Variants in COG5 observed in about 807,000 individuals in gnomAD.
COG5 encodes conserved oligomeric Golgi complex subunit 5.
In COG5, 86 loss-of-function variants were observed where a neutral mutation model predicts 110.4. That is an observed-to-expected ratio of 0.78 (90% CI 0.65 to 0.93). The LOEUF (loss-of-function observed/expected upper bound fraction) is 0.93. Ranked by LOEUF, COG5 falls within the 40% of genes least tolerant of loss-of-function variation. The pLI, the probability that COG5 is intolerant of heterozygous loss-of-function variation, is 0.00. For missense variants in COG5, 1,077 were observed against 987.0 expected (o/e 1.09, Z -1.22); for synonymous variants, 360 against 334.6 (o/e 1.08, Z -0.83).
chr7:107,417,573 A>G (rs76307631), intron 6 of COG5, among the ~76,000 whole-genome samples: 23,999 of 151,768 alleles, frequency 0.16, 2,309 homozygotes, highest in Non-Finnish European at 0.22. Flanking sequence ...AATCAAAGAC[A>G]GAATTATTGG....
chr7:107,258,425 T>TACTC (rs1803051413), intron 14 of COG5, 42 bp from the exon 15 acceptor site: 1 of 661,400 alleles, frequency 1.5e-6, no homozygotes, highest in African/African-American at 1.9e-5. Context: ...AGAATGATAA[T>TACTC]TCTCTCTCTC....
chr7:107,385,858 T>C (rs186802893), intron 7 of COG5, among the ~76,000 whole-genome samples: 7 of 151,488 alleles, frequency 4.6e-5, no homozygotes, highest in African/African-American at 7.3e-5. Context: ...TAATATCCCA[T>C]TGTGGTTTTA....
intron 6 of COG5, chr7:107,470,182 T>C (rs1358511132): frequency 2.0e-5 from 3 of 152,244 alleles, no homozygotes; most frequent in African/African-American, 7.2e-5. Context: ...ATTACTTTCA[T>C]TATGTATTTT....
intron 7 of COG5, among the ~76,000 whole-genome samples, chr7:107,381,223 C>A (rs1815088285): frequency 6.6e-6 from 1 of 152,126 alleles, no homozygotes; most frequent in Non-Finnish European, 1.5e-5. Flanking sequence ...AAAAAGGCTT[C>A]CCAAAATCAA....
In COG5 at chr7:107,376,767, C is replaced by T. The variant is rs185400719; in HGVS notation, c.670-4007G>A. Among the ~76,000 whole-genome samples the T allele has an allele frequency of 2.1e-3, 323 of 151,980 alleles. 2 individuals are homozygous for T. The highest frequency in any genetic ancestry group is 6.9e-3 in the African/African-American group (285 of 41,502). ...TGGAAAGCCTTAAATATTTCACCAT[C>T]GAGATTTTTAGAAATGCCCTTTATC... On this transcript the variant is annotated intron_variant, in intron 7 of 21. Coordinates refer to ENST00000297135, the MANE Select transcript of COG5 (RefSeq NM_006348.5).
chr7:107,467,581 AC>A (rs1389132218), intron 6 of COG5, among the ~76,000 whole-genome samples: 2 of 152,090 alleles, frequency 1.3e-5, no homozygotes, highest in African/African-American at 4.8e-5. Flanking sequence ...CGAACTCCTG[AC>A]CTCAAGTGAT....
intron 14 of COG5, among the ~76,000 whole-genome samples, chr7:107,280,560 G>C (rs1446016103): frequency 1.3e-5 from 2 of 151,876 alleles, no homozygotes; most frequent in Non-Finnish European, 2.9e-5. Context: ...AAAGATAGTG[G>C]AGACAATCAG....
chr7:107,363,160 T>G (rs1051635915), intron 8 of COG5, among the ~76,000 whole-genome samples: 2 of 152,258 alleles, frequency 1.3e-5, no homozygotes, highest in African/African-American at 4.8e-5. Context: ...CTCTATCCAC[T>G]GGAAAGTCAG....
At chr7:107,486,763 C>T (rs1797678936) in intron 6 of COG5, among the ~76,000 whole-genome samples, 1 of 152,110 alleles carries the variant, frequency 6.6e-6, no homozygotes, top group Non-Finnish European at 1.5e-5. Flanking sequence ...TACTTCAAAT[C>T]TGTGGTGAAG....
chr7:107,391,498 T>C (rs1790622127), intron 7 of COG5, among the ~76,000 whole-genome samples: 1 of 152,184 alleles, frequency 6.6e-6, no homozygotes, highest in Non-Finnish European at 1.5e-5. Flanking sequence ...GTAGTCCCAT[T>C]TGTCTATTTT....
At chr7:107,529,633 G>C (rs1014879502) in intron 5 of COG5, among the ~76,000 whole-genome samples, 1 of 152,208 alleles carries the variant, frequency 6.6e-6, no homozygotes, top group Non-Finnish European at 1.5e-5. Flanking sequence ...AGAATCTTGG[G>C]AAAGGAGCCA....
At chr7:107,344,550 G>A (rs965363931) in intron 10 of COG5, among the ~76,000 whole-genome samples, 4 of 152,264 alleles carry the variant, frequency 2.6e-5, no homozygotes, top group Middle Eastern at 3.4e-3. Context: ...TTTAGACGGA[G>A]TTTCACTCCT....
intron 16 of COG5, 119 bp downstream of exon 16, chr7:107,256,613 G>T: frequency 1.4e-6 from 1 of 691,264 alleles, no homozygotes. Context: ...TTATCAACAT[G>T]CTACTTTTGT....
In COG5 at chr7:107,474,190, C is replaced by G; in HGVS notation, c.538+53047G>C. On this transcript the variant is annotated intron_variant, in intron 6 of 21. Transcript: ENST00000297135. The surrounding 1 kb of genome is among the most constrained non-coding windows in gnomAD (Gnocchi z 5.7). ...ATATCCGTTAAGCTTTCAAGTGTCT[C>G]TCACCGGATTTCTTATGTTAGAAAT... 4.3e-6 allele frequency: 7 copies of G among 1,613,014 alleles called. No individual in the cohort carries two copies. The highest frequency in any genetic ancestry group is 5.9e-6 in the Non-Finnish European group (7 of 1,179,156).
intron 17 of COG5, among the ~76,000 whole-genome samples, chr7:107,241,044 A>C (rs1170793780): frequency 2.0e-5 from 3 of 152,260 alleles, no homozygotes; most frequent in Non-Finnish European, 4.4e-5. Flanking sequence ...TTGAAGAAAC[A>C]GTTTGGCTCA....
chr7:107,514,186 C>A (rs1799751715), intron 6 of COG5, among the ~76,000 whole-genome samples: 2 of 151,962 alleles, frequency 1.3e-5, no homozygotes, highest in South Asian at 2.1e-4. Context: ...TATTTTCTAT[C>A]ATATCCAATT....
intron 8 of COG5, among the ~76,000 whole-genome samples, chr7:107,363,269 A>G (rs1813288244): frequency 6.6e-6 from 1 of 152,224 alleles, no homozygotes; most frequent in African/African-American, 2.4e-5. Flanking sequence ...TTCAGTGGAA[A>G]AAAGAGTGAT....
At chr7:107,504,111 C>T (rs925661176) in intron 6 of COG5, among the ~76,000 whole-genome samples, 6 of 152,094 alleles carry the variant, frequency 3.9e-5, no homozygotes, top group Admixed American at 3.3e-4. Context: ...TTTCCCCGTT[C>T]AGTATGATGT....
chr7:107,552,545 A>G (rs2129175972), intron 3 of COG5, among the ~76,000 whole-genome samples: 1 of 152,342 alleles, frequency 6.6e-6, no homozygotes, highest in South Asian at 2.1e-4. Flanking sequence ...ATCACCAATC[A>G]TCAGAGAAAT....
Sources: allele counts gnomAD v4.1 joint callset (sites outside exome capture counted in the v4.1 genomes callset), GRCh38; gene constraint gnomAD v4.1.1; non-coding constraint Gnocchi (gnomAD v3.1); transcripts MANE v1.5; gene names NCBI Gene and HGNC (gene_info 2026-07-23, HGNC 2026-07-21).